The following PARP1 variants were observed in gnomAD, a reference collection of about 807,000 sequenced individuals.
PARP1 encodes poly [ADP-ribose] polymerase 1.
PARP1 carries 44 observed loss-of-function variants against 118.7 expected under a neutral mutation model. The ratio of observed to expected loss-of-function variants is 0.37; its 90% CI spans 0.29 to 0.48. The LOEUF is 0.48. Ranked by LOEUF, PARP1 falls within the 20% of genes least tolerant of loss-of-function variation. The probability of loss-of-function intolerance (pLI) is 0.99; values close to 1 mark genes in which losing one functional copy is unlikely to be tolerated. For missense variants in PARP1, 1,100 were observed against 1,272.4 expected, an observed-to-expected ratio of 0.86 and a Z score of 2.06; for synonymous variants, 492 against 483.2, an observed-to-expected ratio of 1.02 and a Z score of -0.24.
At chr1:226,398,354 A>G (rs1395386235) in intron 2 of PARP1, among the ~76,000 whole-genome samples, 1 of 152,178 alleles carries the variant, frequency 6.6e-6, no homozygotes, top group Non-Finnish European at 1.5e-5. Flanking sequence ...CAGTCTGGGC[A>G]ACAAGGTGGG....
chr1:226,363,901 T>A, intron 20 of PARP1, 42 bp downstream of exon 20: 1 of 1,610,228 alleles, frequency 6.2e-7, no homozygotes. Context: ...ATTCCACCTG[T>A]CCCCATGAAA....
At chr1:226,371,091 C>T (rs1380460896) in intron 14 of PARP1, 1 of 156,046 alleles carries the variant, frequency 6.4e-6, no homozygotes, top group African/African-American at 2.4e-5. Context: ...TGGGAACTGC[C>T]TGCCATCAAG....
chr1:226,392,176 G>GA (rs1664833053), intron 3 of PARP1, 23 bp downstream of exon 3: 1 of 1,458,882 alleles, frequency 6.9e-7, no homozygotes, highest in East Asian at 2.3e-5. Flanking sequence ...AAAGTTCAGG[G>GA]ATCTGGGCCC....
At chr1:226,393,363 A>G (rs766583790) in intron 2 of PARP1, among the ~76,000 whole-genome samples, 1 of 152,228 alleles carries the variant, frequency 6.6e-6, no homozygotes, top group African/African-American at 2.4e-5. Context: ...ATGTTCATGG[A>G]CTGTTAAGAT....
intron 21 of PARP1, among the ~76,000 whole-genome samples, chr1:226,362,712 C>G (rs184828627): frequency 1.3e-5 from 2 of 152,342 alleles, no homozygotes; most frequent in East Asian, 3.9e-4. Flanking sequence ...GCTGTAGCTA[C>G]AAGTTAGGTT....
At chr1:226,377,412 C>A in intron 12 of PARP1, 109 bp from the exon 13 acceptor site, 1 of 799,130 alleles carries the variant, frequency 1.3e-6, no homozygotes, top group Non-Finnish European at 2.2e-6. Context: ...TTTACACACC[C>A]CAAAAGGATG....
chr1:226,387,169 A>T (rs1214992673), intron 5 of PARP1, among the ~76,000 whole-genome samples: 1 of 152,090 alleles, frequency 6.6e-6, no homozygotes, highest in African/African-American at 2.4e-5. Flanking sequence ...TTTTAATAGA[A>T]ACGGTGTTTC....
intron 13 of PARP1, among the ~76,000 whole-genome samples, chr1:226,375,481 G>A (rs968227335): frequency 6.6e-6 from 1 of 152,136 alleles, no homozygotes; most frequent in African/African-American, 2.4e-5. Flanking sequence ...CGCACAGGAC[G>A]GGATTCAATG....
intron 22 of PARP1, 45 bp from the exon 23 acceptor site, chr1:226,361,586 G>A (rs1358668731): frequency 7.6e-7 from 1 of 1,319,788 alleles, no homozygotes; most frequent in East Asian, 2.3e-5. Context: ...ACAACAGAGG[G>A]TATGTACATG....
intron 2 of PARP1, among the ~76,000 whole-genome samples, chr1:226,393,382 T>A (rs1042720554): frequency 1.3e-5 from 2 of 152,198 alleles, no homozygotes; most frequent in African/African-American, 4.8e-5. Flanking sequence ...ATGTCAATTA[T>A]CTGCAATTTG....
intron 4 of PARP1, among the ~76,000 whole-genome samples, 200 bp from the exon 5 acceptor site, chr1:226,388,955 G>A (rs1343310528): frequency 6.6e-6 from 1 of 152,118 alleles, no homozygotes; most frequent in East Asian, 1.9e-4. Flanking sequence ...AGCCAAGATG[G>A]CAGAAGACAC....
intron 1 of PARP1, among the ~76,000 whole-genome samples, chr1:226,405,336 G>A (rs1665125505): frequency 6.6e-6 from 1 of 151,734 alleles, no homozygotes; most frequent in Admixed American, 6.6e-5. Context: ...CTGGGTCTGG[G>A]TCTGTCGCCC....
intron 22 of PARP1, 162 bp from the exon 23 acceptor site, chr1:226,361,703 G>A (rs1664142923): frequency 1.4e-6 from 1 of 693,652 alleles, no homozygotes; most frequent in Non-Finnish European, 2.6e-6. Context: ...CTGGCAGGAT[G>A]CTCAATGCCA....
chr1:226,389,750 T>C (rs897150807), intron 4 of PARP1, among the ~76,000 whole-genome samples: 3 of 152,174 alleles, frequency 2.0e-5, no homozygotes, highest in Admixed American at 1.3e-4. Context: ...TGCTTGATGG[T>C]TGCCCAGTCA....
In PARP1 at chr1:226,408,006, G is replaced by A. The variant is rs1665187397; in HGVS notation, c.-77C>T. On this transcript the variant is annotated 5_prime_UTR_variant, in exon 1 of 23. In the 5' UTR this introduces an upstream ATG that the reference lacks. Coordinates refer to ENST00000366794, the MANE Select transcript of PARP1 (RefSeq NM_001618.4). The stretch of plus-strand genomic sequence containing the variant: ...ACACGCTGCCGCCTCGCCGCCTCGC[G>A]TGCGCTCACCCAGCCGCAGGCGCCT... 6.3e-7 allele frequency: 1 copy of A among 1,594,454 alleles called. No homozygotes were observed. The highest frequency in any genetic ancestry group is 1.7e-4 in the Middle Eastern group (1 of 6,022).
At chr1:226,363,853 T>G (rs1664201171) in intron 20 of PARP1, 90 bp downstream of exon 20, 2 of 1,437,192 alleles carry the variant, frequency 1.4e-6, no homozygotes, top group African/African-American at 2.8e-5. Context: ...GTGGGGAATT[T>G]CTACTCTCCC....
intron 2 of PARP1, 97 bp from the exon 3 acceptor site, chr1:226,392,411 T>G: frequency 1.2e-6 from 1 of 825,496 alleles, no homozygotes; most frequent in Non-Finnish European, 2.1e-6. Flanking sequence ...ATCCTTCCAC[T>G]AGGACACCTT....
intron 12 of PARP1, 132 bp downstream of exon 12, chr1:226,379,010 T>C: frequency 9.0e-7 from 1 of 1,110,750 alleles, no homozygotes; most frequent in South Asian, 1.2e-5. Context: ...TAATTTGTTT[T>C]TGATCTCTGT....
At chr1:226,389,184 A>G (rs1322015807) in intron 4 of PARP1, among the ~76,000 whole-genome samples, 2 of 152,220 alleles carry the variant, frequency 1.3e-5, no homozygotes, top group Non-Finnish European at 2.9e-5. Context: ...ACAAAGCACA[A>G]GTCCAGGGAG....
Sources: allele counts gnomAD v4.1 joint callset (sites outside exome capture counted in the v4.1 genomes callset), GRCh38; gene constraint gnomAD v4.1.1; transcripts MANE v1.5; gene names NCBI Gene and HGNC (gene_info 2026-07-23, HGNC 2026-07-21).